PRKCH: variants seen among roughly 807,000 people sequenced by gnomAD.
PRKCH encodes the protein protein kinase C eta type.
In PRKCH, 28 loss-of-function variants were observed where a neutral mutation model predicts 82.5. The ratio of observed to expected loss-of-function variants is 0.34; its 90% confidence interval spans 0.25 to 0.47. The LOEUF (loss-of-function observed/expected upper bound fraction) is 0.47, where lower values mean the gene tolerates loss of function less well. Among genes scored for constraint, PRKCH ranks in the 20% least tolerant of loss-of-function variants. The pLI, the probability that PRKCH is intolerant of heterozygous loss-of-function variation, is 1.00. For missense variants in PRKCH, 705 were observed against 881.8 expected (o/e 0.80, Z 2.54); for synonymous variants, 322 against 327.4 (o/e 0.98, Z 0.18).
At chr14:61,308,877 C>T (rs1292716672) in intron 1 of PRKCH, among the ~76,000 whole-genome samples, 2 of 151,936 alleles carry the variant, frequency 1.3e-5, no homozygotes, top group Non-Finnish European at 2.9e-5. Context: ...AATCCTCCAG[C>T]GTCAGCCTCC....
At chr14:61,343,815 C>T (rs1345461355) in intron 1 of PRKCH, among the ~76,000 whole-genome samples, 2 of 152,156 alleles carry the variant, frequency 1.3e-5, no homozygotes, top group Non-Finnish European at 1.5e-5. Context: ...TTATTTAGAA[C>T]AAATGTTTTC....
At chr14:61,506,395 T>A (rs1303504920) in intron 10 of PRKCH, among the ~76,000 whole-genome samples, 1 of 152,064 alleles carries the variant, frequency 6.6e-6, no homozygotes, top group Non-Finnish European at 1.5e-5. Flanking sequence ...CAGCTCTGAT[T>A]GAAGTCAGGG....
Position 61,443,253 on chromosome 14 carries a change from G to A in PRKCH, c.570G>A (p.Glu190=), listed in dbSNP as rs757197520. 1 of 1,613,880 alleles carries A rather than the reference G, an allele frequency of 6.2e-7. No individual in the cohort carries two copies. The highest frequency in any genetic ancestry group is 1.7e-5 in the Admixed American group (1 of 59,984). The part of the protein sequence containing the change: ...RQPTYCSHCR[E]FIWGVFGKQG... ...CCACCTACTGCTCTCACTGCAGGGA[G>A]TTTATCTGGTAAGGGGTTCCCTTAC... is the stretch of plus-strand genomic sequence containing the variant. The change falls in exon 3 of 14, where the codon GAG becomes GAA. Residue 190 remains glutamate, a synonymous_variant. Coordinates refer to ENST00000332981, the MANE Select transcript of PRKCH (RefSeq NM_006255.5).
intron 1 of PRKCH, chr14:61,303,816 T>G (rs1278414637): frequency 1.4e-5 from 2 of 143,160 alleles, no homozygotes; most frequent in Admixed American, 7.4e-5. Flanking sequence ...TCTAATTCAT[T>G]TATTGATTTT....
chr14:61,539,898 C>A (rs2043160388), intron 12 of PRKCH, among the ~76,000 whole-genome samples: 1 of 152,238 alleles, frequency 6.6e-6, no homozygotes, highest in Non-Finnish European at 1.5e-5. Flanking sequence ...ACTCTCATCA[C>A]TTAATGGTAC....
chr14:61,233,726 T>C (rs1448426593), intron 1 of PRKCH, among the ~76,000 whole-genome samples: 3 of 152,236 alleles, frequency 2.0e-5, no homozygotes, highest in Non-Finnish European at 2.9e-5. Context: ...GCTTTTCCCC[T>C]TGAGCTTGAC....
At chr14:61,389,658 G>C (rs2046644645) in intron 1 of PRKCH, among the ~76,000 whole-genome samples, 1 of 150,374 alleles carries the variant, frequency 6.7e-6, no homozygotes, top group African/African-American at 2.5e-5. Flanking sequence ...CTATGATTGT[G>C]CCACTGCACT....
At chr14:61,366,538 T>C in intron 1 of PRKCH, among the ~76,000 whole-genome samples, 1 of 152,120 alleles carries the variant, frequency 6.6e-6, no homozygotes, top group East Asian at 1.9e-4. Context: ...ATGACCACTT[T>C]GGGTGAACCC....
intron 10 of PRKCH, among the ~76,000 whole-genome samples, chr14:61,505,982 A>C (rs1445314992): frequency 6.6e-6 from 1 of 152,108 alleles, no homozygotes; most frequent in Admixed American, 6.5e-5. Flanking sequence ...ACCCACAGGA[A>C]GTGTCCCCAG....
intron 6 of PRKCH, chr14:61,453,005 T>C: frequency 3.5e-6 from 2 of 574,698 alleles, no homozygotes; most frequent in Non-Finnish European, 6.1e-6. Context: ...TTGAAATATA[T>C]TATTCTTTAG....
chr14:61,291,323 CTTTTTTT>C (rs533117559), intron 1 of PRKCH, among the ~76,000 whole-genome samples: 1 of 96,686 alleles, frequency 1.0e-5, no homozygotes, highest in African/African-American at 3.6e-5. Context: ...CCCTCTGGTT[CTTTTTTT>C]TTTTTTTTTT....
At chr14:61,300,002 T>G (rs2045437091) in intron 1 of PRKCH, 1 of 152,252 alleles carries the variant, frequency 6.6e-6, no homozygotes, top group East Asian at 1.9e-4. Flanking sequence ...GTAATTCCAT[T>G]GCAAAGATCC....
At position 61,424,698 on chromosome 14, in the gene PRKCH, C is replaced by T. The variant is rs151017011; in HGVS notation, c.428-18413C>T. Among the ~76,000 whole-genome samples the T allele has an allele frequency of 1.9e-3, 291 of 152,324 alleles. 3 individuals carry two copies. In the East Asian group the frequency reaches 0.03, roughly 16 times the overall value. On this transcript the variant is annotated intron_variant, in intron 2 of 13. Coordinates refer to ENST00000332981, the MANE Select transcript of PRKCH (RefSeq NM_006255.5). ...AATTAAAGCTGGCTGCAGAAATTTG[C>T]GTAAGTAACAAGGAGCCAAATGTTA... is the stretch of plus-strand genomic sequence containing the variant.
rs2045630759 is a variant in PRKCH at position 61,321,979 on chromosome 14, G to C, written c.-123G>C. 1 of 1,081,454 alleles carries C rather than the reference G, an allele frequency of 9.2e-7. No homozygotes were observed. Among genetic ancestry groups the C allele is most frequent in the African/African-American group, 1.6e-5 (1 of 62,744 alleles). 67.0% of individuals were successfully genotyped at this position (1,081,454 alleles called of 1,614,324 possible). A position where few individuals can be genotyped will look rare whatever the true frequency, so the allele number is the denominator to read the frequency against. The stretch of plus-strand genomic sequence containing the variant: ...ATGGCCAGTCGAGGGGCGCTTAGGC[G>C]CTGCCTTTCCCCAGGGCTGCCTCGA... On this transcript the variant is annotated 5_prime_UTR_variant, in exon 1 of 14. Transcript: ENST00000332981. The surrounding 1 kb of genome is among the most constrained non-coding windows in gnomAD (Gnocchi z 4.1).
At chr14:61,495,886 G>C (rs893027724) in intron 10 of PRKCH, among the ~76,000 whole-genome samples, 11 of 152,260 alleles carry the variant, frequency 7.2e-5, no homozygotes, top group African/African-American at 2.6e-4. Flanking sequence ...TAAAAAACTT[G>C]GTAGGAGCAA....
rs917854650 is a variant in PRKCH, at chr14:61,400,359, T to G, written c.427+9071T>G. Among the ~76,000 whole-genome samples, 11 of 152,358 alleles carry G rather than the reference T, an allele frequency of 7.2e-5. No individual in the cohort carries two copies. In the East Asian group the frequency reaches 2.1e-3, roughly 29 times the overall value. The stretch of plus-strand genomic sequence containing the variant: ...CCTGGTGACAAGTTGTTGATTTAAT[T>G]TTTTTAAAATGTAGCTTTAAAAAAA... On this transcript the variant is annotated intron_variant, in intron 2 of 13. Transcript: ENST00000332981.
intron 1 of PRKCH, 64 bp from the exon 2 acceptor site, chr14:61,391,161 G>T: frequency 2.1e-6 from 3 of 1,399,336 alleles, no homozygotes; most frequent in Non-Finnish European, 3.0e-6. Context: ...GTGATGAATT[G>T]TTTAAGGCCC....
intron 2 of PRKCH, among the ~76,000 whole-genome samples, chr14:61,436,021 G>A (rs1220295852): frequency 6.6e-6 from 1 of 152,164 alleles, no homozygotes; most frequent in South Asian, 2.1e-4. Context: ...AAAAAGGAAA[G>A]ATGATGATGA....
chr14:61,358,740 G>A (rs1328138024), intron 1 of PRKCH, among the ~76,000 whole-genome samples: 1 of 152,076 alleles, frequency 6.6e-6, no homozygotes, highest in Non-Finnish European at 1.5e-5. Flanking sequence ...TGGCATTCTA[G>A]CCTCCCTTTT....
Sources: allele counts gnomAD v4.1 joint callset (sites outside exome capture counted in the v4.1 genomes callset), GRCh38; gene constraint gnomAD v4.1.1; non-coding constraint Gnocchi (gnomAD v3.1); transcripts MANE v1.5; gene names NCBI Gene and HGNC (gene_info 2026-07-23, HGNC 2026-07-21).